PCDH15: variants seen among roughly 807,000 people sequenced by gnomAD.
PCDH15 encodes protocadherin related 15.
PCDH15 carries 129 observed loss-of-function variants against 178.5 expected under a neutral mutation model. The ratio of observed to expected loss-of-function variants is 0.72; its 90% CI spans 0.63 to 0.84. The LOEUF is 0.84. Ranked by LOEUF, PCDH15 falls within the 40% of genes least tolerant of loss-of-function variation. The pLI, the probability that PCDH15 is intolerant of heterozygous loss-of-function variation, is 0.00. For missense variants in PCDH15, 2,230 were observed against 2,099.9 expected, an observed-to-expected ratio of 1.06 and a Z score of -1.21; for synonymous variants, 800 against 732.0, an observed-to-expected ratio of 1.09 and a Z score of -1.50.
chr10:55,006,248 C>T (rs1364093781), intron 2 of PCDH15, among the ~76,000 whole-genome samples: 2 of 152,144 alleles, frequency 1.3e-5, no homozygotes, highest in Admixed American at 1.3e-4. Context: ...TCTCTCAAGT[C>T]CTCATCACTC....
chr10:54,096,051 C>A, intron 15 of PCDH15, among the ~76,000 whole-genome samples: 1 of 152,080 alleles, frequency 6.6e-6, no homozygotes, highest in East Asian at 1.9e-4. Flanking sequence ...GCACTACAAT[C>A]CCTATTTTAC....
intron 2 of PCDH15, among the ~76,000 whole-genome samples, chr10:55,535,363 G>A (rs1841551507): frequency 6.6e-6 from 1 of 152,044 alleles, no homozygotes; most frequent in East Asian, 1.9e-4. Flanking sequence ...TAGATTAGAT[G>A]GAGAACAGAA....
intron 8 of PCDH15, among the ~76,000 whole-genome samples, chr10:54,311,391 A>G (rs779342860): frequency 3.3e-5 from 5 of 152,084 alleles, no homozygotes; most frequent in Non-Finnish European, 7.4e-5. Context: ...AAAAAAATGC[A>G]TAAGGATTTA....
chr10:55,522,508 G>A (rs10763216), intron 2 of PCDH15, among the ~76,000 whole-genome samples: 59,688 of 151,324 alleles, frequency 0.39, 12,456 homozygotes, highest in East Asian at 0.8. Context: ...AATGTTGAGG[G>A]CGTATATACT....
intron 8 of PCDH15, among the ~76,000 whole-genome samples, chr10:54,247,867 C>CA (rs570243081): frequency 0.049 from 6,009 of 121,914 alleles, 420 homozygotes; most frequent in African/African-American, 0.17. Flanking sequence ...GACTCTTTCT[C>CA]AAAAAAAAAA....
At chr10:54,364,908 T>C (rs1946581636) in intron 5 of PCDH15, among the ~76,000 whole-genome samples, 2 of 152,176 alleles carry the variant, frequency 1.3e-5, no homozygotes, top group African/African-American at 2.4e-5. Context: ...AAGAGTATTC[T>C]TGCATTTTCA....
intron 1 of PCDH15, among the ~76,000 whole-genome samples, chr10:55,189,408 C>T (rs1385377450): frequency 6.6e-6 from 1 of 151,816 alleles, no homozygotes; most frequent in African/African-American, 2.4e-5. Flanking sequence ...TCTCTTTCAT[C>T]ATTTGCTATT....
intron 2 of PCDH15, among the ~76,000 whole-genome samples, chr10:54,602,565 G>T (rs1274198508): frequency 6.6e-6 from 1 of 151,772 alleles, no homozygotes; most frequent in Non-Finnish European, 1.5e-5. Context: ...GAGGCTTTTG[G>T]GTTTTCCCCA....
At chr10:54,515,381 C>T (rs1304425392) in intron 3 of PCDH15, among the ~76,000 whole-genome samples, 1 of 152,174 alleles carries the variant, frequency 6.6e-6, no homozygotes, top group African/African-American at 2.4e-5. Context: ...TGATTGCTAG[C>T]ACAGCAGTCT....
chr10:54,134,759 A>AG (rs1271726449), intron 14 of PCDH15, among the ~76,000 whole-genome samples: 3 of 150,552 alleles, frequency 2.0e-5, no homozygotes, highest in Admixed American at 6.6e-5. Flanking sequence ...TCTCAAAAAA[A>AG]GAAAAAAAAA....
intron 8 of PCDH15, among the ~76,000 whole-genome samples, chr10:54,310,239 C>T (rs1038583848): frequency 4.6e-5 from 7 of 151,958 alleles, no homozygotes; most frequent in African/African-American, 1.4e-4. Flanking sequence ...AAACACTGAA[C>T]CTTTTTAAAC....
chr10:55,545,471 TCAC>T (rs1331930156), intron 2 of PCDH15, among the ~76,000 whole-genome samples: 4 of 151,814 alleles, frequency 2.6e-5, no homozygotes, highest in South Asian at 2.1e-4. Flanking sequence ...AGACAGGGTT[TCAC>T]CATGTTGGCC....
intron 2 of PCDH15, among the ~76,000 whole-genome samples, chr10:54,951,476 T>C (rs1838336098): frequency 1.3e-5 from 2 of 151,930 alleles, no homozygotes; most frequent in Admixed American, 1.3e-4. Context: ...AAGGACATCT[T>C]GATTGCTTCT....
At chr10:55,545,808 A>AT (rs538142391) in intron 2 of PCDH15, among the ~76,000 whole-genome samples, 15 of 151,296 alleles carry the variant, frequency 9.9e-5, no homozygotes, top group South Asian at 6.3e-4. Context: ...TTTTAAAAAT[A>AT]TTTTTTTTTC....
At chr10:54,346,885 G>A (rs1943383911) in intron 5 of PCDH15, among the ~76,000 whole-genome samples, 1 of 152,202 alleles carries the variant, frequency 6.6e-6, no homozygotes, top group Non-Finnish European at 1.5e-5. Context: ...ATTTACGAGT[G>A]AGCAATGAAA....
intron 9 of PCDH15, among the ~76,000 whole-genome samples, chr10:54,216,535 A>C (rs1255053729): frequency 6.6e-6 from 1 of 152,198 alleles, no homozygotes; most frequent in African/African-American, 2.4e-5. Context: ...GATCATAAGC[A>C]AAGATAAGCA....
Position 55,149,705 on chromosome 10 carries a change from T to A in PCDH15, c.-80+16871A>T, listed in dbSNP as rs116281619. On this transcript the variant is annotated intron_variant, in intron 2 of 5. Coordinates refer to the PCDH15 transcript ENST00000458638. Reference sequence around the variant, plus strand: ...AGGGAGAGATATCTTTTTCTCTTCCTTTCTCAGATATGCTTCTTTGGTGTT... The same window carrying A: ...AGGGAGAGATATCTTTTTCTCTTCCATTCTCAGATATGCTTCTTTGGTGTT... Among the ~76,000 whole-genome samples, 837 of 152,170 alleles carry A rather than the reference T, an allele frequency of 5.5e-3. 5 individuals carry two copies. The highest frequency in any genetic ancestry group is 0.019 in the African/African-American group (785 of 41,546).
chr10:55,349,209 G>A (rs1433422924), intron 2 of PCDH15, among the ~76,000 whole-genome samples: 1 of 152,066 alleles, frequency 6.6e-6, no homozygotes, highest in East Asian at 1.9e-4. Flanking sequence ...TATTTCTGTT[G>A]AGGTGTGAAG....
intron 8 of PCDH15, among the ~76,000 whole-genome samples, chr10:54,267,744 C>T (rs931611813): frequency 3.3e-5 from 5 of 151,518 alleles, no homozygotes; most frequent in African/African-American, 9.7e-5. Flanking sequence ...CTCTTTAAGT[C>T]GAACTACAAA....
Sources: gnomAD v4.1 joint callset for allele counts (sites outside exome capture counted in the v4.1 genomes callset) on GRCh38, gnomAD v4.1.1 for gene constraint, MANE v1.5 for transcripts, NCBI Gene and HGNC (gene_info 2026-07-23, HGNC 2026-07-21) for gene names.